Variants in SGCZ observed in about 807,000 individuals in gnomAD.
SGCZ encodes sarcoglycan zeta.
SGCZ carries 40 observed loss-of-function variants against 41.3 expected under a neutral mutation model. That is an observed-to-expected ratio of 0.97 (90% CI 0.75 to 1.26). The LOEUF is 1.26. Among genes scored for constraint, SGCZ ranks in the 50% most tolerant of loss-of-function variants. SGCZ has a pLI of 0.00. For synonymous variants in SGCZ, 206 were observed against 137.5 expected (o/e 1.50, Z -3.49); for missense variants, 552 against 369.8 (o/e 1.49, Z -4.04).
chr8:14,394,076 G>A (rs935711543), intron 2 of SGCZ, among the ~76,000 whole-genome samples: 3 of 150,520 alleles, frequency 2.0e-5, no homozygotes, highest in Non-Finnish European at 4.4e-5. Flanking sequence ...CAGGAAAACA[G>A]ATGTAGCATA....
At chr8:14,421,565 G>A (rs1221340008) in intron 2 of SGCZ, among the ~76,000 whole-genome samples, 1 of 152,010 alleles carries the variant, frequency 6.6e-6, no homozygotes, top group Admixed American at 6.6e-5. Flanking sequence ...ATAAGACAAG[G>A]ACACAATCAA....
intron 1 of SGCZ, among the ~76,000 whole-genome samples, chr8:15,173,678 A>G (rs575458698): frequency 6.6e-6 from 1 of 152,318 alleles, no homozygotes; most frequent in South Asian, 2.1e-4. Context: ...CCTAATGTCT[A>G]TGTCTTGTAA....
At chr8:14,257,480 G>T (rs28641611) in intron 3 of SGCZ, among the ~76,000 whole-genome samples, 18,196 of 136,866 alleles carry the variant, frequency 0.13, 1,209 homozygotes, top group Middle Eastern at 0.18. Flanking sequence ...ACATTTTAAC[G>T]TATGACAATT....
chr8:14,159,426 A>G (rs1803975788), intron 5 of SGCZ, among the ~76,000 whole-genome samples: 1 of 152,214 alleles, frequency 6.6e-6, no homozygotes. Flanking sequence ...TAGAGGAAAC[A>G]GCTTATTTTG....
intron 7 of SGCZ, among the ~76,000 whole-genome samples, chr8:14,097,270 G>T (rs1382400584): frequency 6.6e-6 from 1 of 152,156 alleles, no homozygotes; most frequent in Non-Finnish European, 1.5e-5. Flanking sequence ...CTTTATGTGT[G>T]TCCCAGAGAT....
intron 1 of SGCZ, among the ~76,000 whole-genome samples, chr8:14,752,852 G>C (rs557661951): frequency 1.3e-5 from 2 of 152,124 alleles, no homozygotes; most frequent in African/African-American, 2.4e-5. Context: ...TTATGCCAAA[G>C]AATTAAAAAC....
chr8:14,226,105 A>G (rs1178001049), intron 4 of SGCZ, among the ~76,000 whole-genome samples: 2 of 152,082 alleles, frequency 1.3e-5, no homozygotes, highest in African/African-American at 4.8e-5. Context: ...AAACCCAGGC[A>G]TACAGGATAA....
In SGCZ at chr8:14,339,851, T is replaced by C. The variant is rs1178955041; in HGVS notation, c.235-15647A>G. 2.6e-5 allele frequency among the ~76,000 whole-genome samples: 4 copies of C among 151,648 alleles called. No homozygotes were observed. The East Asian group carries it at 7.7e-4, about 29-fold the overall frequency. ...TGACGAATATATTGGAAAAAACACATGGGAATGAAATAATTACTAAAAAGA... is the reference window on the plus strand; with the variant it reads ...TGACGAATATATTGGAAAAAACACACGGGAATGAAATAATTACTAAAAAGA... On this transcript the variant is annotated intron_variant, in intron 2 of 7. Transcript: ENST00000382080.
intron 1 of SGCZ, among the ~76,000 whole-genome samples, chr8:15,157,859 A>G (rs1318136727): frequency 6.6e-5 from 10 of 152,304 alleles, no homozygotes; most frequent in Admixed American, 5.2e-4. Flanking sequence ...AATGGAGCAA[A>G]ATACCCATTT....
At chr8:14,765,944 G>A (rs964548158) in intron 1 of SGCZ, among the ~76,000 whole-genome samples, 2 of 150,438 alleles carry the variant, frequency 1.3e-5, no homozygotes, top group South Asian at 4.2e-4. Flanking sequence ...GTTATTTATG[G>A]AACAACTCTT....
intron 1 of SGCZ, among the ~76,000 whole-genome samples, chr8:14,573,376 A>G (rs1478236552): frequency 6.7e-6 from 1 of 149,770 alleles, no homozygotes; most frequent in Non-Finnish European, 1.5e-5. Context: ...TTTTTTTTGT[A>G]TTTTTAGTAG....
intron 1 of SGCZ, among the ~76,000 whole-genome samples, chr8:14,606,943 T>C (rs1351625242): frequency 2.0e-5 from 3 of 152,168 alleles, no homozygotes; most frequent in African/African-American, 7.2e-5. Flanking sequence ...AGGATATAGT[T>C]CACTGTGTGA....
intron 5 of SGCZ, among the ~76,000 whole-genome samples, chr8:14,131,685 T>C (rs1039696487): frequency 6.6e-6 from 1 of 152,214 alleles, no homozygotes; most frequent in Admixed American, 6.5e-5. Flanking sequence ...ATCAAATTTG[T>C]AATGTTTTAG....
At chr8:14,481,804 G>T (rs1308819846) in intron 2 of SGCZ, among the ~76,000 whole-genome samples, 1 of 152,072 alleles carries the variant, frequency 6.6e-6, no homozygotes, top group African/African-American at 2.4e-5. Context: ...TCTAATCAAG[G>T]GATAACCGAT....
intron 2 of SGCZ, among the ~76,000 whole-genome samples, chr8:14,502,937 G>A (rs185360270): frequency 6.6e-6 from 1 of 152,092 alleles, no homozygotes; most frequent in South Asian, 2.1e-4. Context: ...GAGTAATCTC[G>A]TTACTGGGTA....
intron 2 of SGCZ, among the ~76,000 whole-genome samples, chr8:14,442,445 T>C (rs1800299440): frequency 6.6e-6 from 1 of 152,188 alleles, no homozygotes; most frequent in South Asian, 2.1e-4. Context: ...TCTTTTTCTT[T>C]ATAAATTACC....
At chr8:14,476,855 C>CA (rs1413675733) in intron 2 of SGCZ, among the ~76,000 whole-genome samples, 1 of 152,174 alleles carries the variant, frequency 6.6e-6, no homozygotes, top group Non-Finnish European at 1.5e-5. Flanking sequence ...AATCAGTCCC[C>CA]AACCTCCTTT....
At chr8:15,222,177 A>C (rs1166766756) in intron 1 of SGCZ, among the ~76,000 whole-genome samples, 3 of 152,192 alleles carry the variant, frequency 2.0e-5, no homozygotes, top group Non-Finnish European at 4.4e-5. Context: ...TTTATATTCT[A>C]AAGGGGGCTA....
chr8:15,177,801 TGAAC>T (rs1800044880), intron 1 of SGCZ, among the ~76,000 whole-genome samples: 2 of 152,206 alleles, frequency 1.3e-5, no homozygotes, highest in Non-Finnish European at 1.5e-5. Context: ...TGAGACACCC[TGAAC>T]CAGTATACGT....
Sources: allele counts gnomAD v4.1 joint callset (sites outside exome capture counted in the v4.1 genomes callset), GRCh38; gene constraint gnomAD v4.1.1; transcripts MANE v1.5; gene names NCBI Gene and HGNC (gene_info 2026-07-23, HGNC 2026-07-21).